The following NAA60 variants were observed in gnomAD, a reference collection of about 807,000 sequenced individuals.
NAA60 encodes N-alpha-acetyltransferase 60.
Under a neutral mutation model 26.1 loss-of-function variants are expected in NAA60, and 8 were observed. The ratio of observed to expected loss-of-function variants is 0.31; its 90% CI spans 0.18 to 0.55. NAA60 has a LOEUF of 0.55. NAA60 is among the 20% of genes least tolerant of loss of function. NAA60 has a pLI of 0.93. For synonymous variants in NAA60, 131 were observed against 122.5 expected (o/e 1.07, Z -0.46); for missense variants, 290 against 311.3 (o/e 0.93, Z 0.51).
chr16:3,481,378 C>T (rs184452338), intron 4 of NAA60, among the ~76,000 whole-genome samples: 15 of 152,314 alleles, frequency 9.8e-5, no homozygotes, highest in Admixed American at 8.5e-4. Flanking sequence ...AGCCACCGTG[C>T]CCAGCCTGAT....
chr16:3,447,216 C>G (rs1460343003), intron 1 of NAA60, among the ~76,000 whole-genome samples: 3 of 152,158 alleles, frequency 2.0e-5, no homozygotes, highest in Non-Finnish European at 4.4e-5. Context: ...GAAAGATACT[C>G]ATTTTTGGGA....
chr16:3,480,722 G>A (rs548883469), intron 4 of NAA60, among the ~76,000 whole-genome samples: 3 of 151,990 alleles, frequency 2.0e-5, no homozygotes, highest in East Asian at 1.9e-4. Context: ...GGCCAACATC[G>A]TGAAACCTTG....
In NAA60 at chr16:3,484,742, C is replaced by T; in HGVS notation, c.616C>T (p.Pro206Ser). 6.3e-7 allele frequency: 1 copy of T among 1,596,014 alleles called. No individual in the cohort carries two copies. Among genetic ancestry groups the T allele is most frequent in the South Asian group, 1.1e-5 (1 of 87,980 alleles). ...GGGCTCTGCACTAGCCAGCCTGAGC[C>T]CCTGCTCCATTCCGCACAGAGTCTA... is the stretch of plus-strand genomic sequence containing the variant. ...HLGSALASLS[P>S]CSIPHRVYRQ... Residue 206 changes from proline (P) to serine (S), a missense_variant, in exon 7 of 8, where the codon CCC becomes TCC. Physicochemically the swap from Pro to Ser is moderately conservative, Grantham distance 74. Transcript: ENST00000407558.
chr16:3,450,072 C>A (rs2034716892), intron 2 of NAA60: 4 of 397,528 alleles, frequency 1.0e-5, no homozygotes, highest in South Asian at 1.3e-4. Context: ...AGAAGAATTT[C>A]TTTGGAAGCA....
Position 3,479,560 on chromosome 16 carries a change from T to C in NAA60, c.200T>C (p.Ile67Thr). The C allele has an allele frequency of 6.2e-7, 1 of 1,614,006 alleles. No homozygotes were observed. The highest frequency in any genetic ancestry group is 1.7e-5 in the Admixed American group (1 of 60,018). Reference protein sequence around the residue: ...ATYRGAIVGMIVAEIKNRTKI... With the variant: ...ATYRGAIVGMTVAEIKNRTKI... ...TACAGAGGTGCCATTGTGGGAATGA[T>C]AGTAGCTGAAATTAAGAACAGGACC... Residue 67 changes from isoleucine (I) to threonine (T), a missense_variant, in exon 4 of 8, where the codon ATA becomes ACA. Transcript: ENST00000407558.
chr16:3,448,463 C>T lies in NAA60; in HGVS notation c.-76-8C>T. 2 of 1,535,190 alleles carry T rather than the reference C, an allele frequency of 1.3e-6. No individual in the cohort carries two copies. Among genetic ancestry groups the T allele is most frequent in the South Asian group, 1.2e-5 (1 of 84,038 alleles). ...GAAGTGATGGCCTTGTGTCTTTCTC[C>T]CCTGCAGCATACAGAAAGGCTGTAC... is the stretch of plus-strand genomic sequence containing the variant. On this transcript the variant is annotated splice_polypyrimidine_tract_variant and splice_region_variant and intron_variant, in intron 1 of 7. Transcript: ENST00000407558.
intron 2 of NAA60, among the ~76,000 whole-genome samples, chr16:3,458,932 C>T (rs1351544812): frequency 1.3e-5 from 2 of 152,154 alleles, no homozygotes; most frequent in East Asian, 3.8e-4. Flanking sequence ...CGACCACCCA[C>T]AAATCTGTGT....
chr16:3,466,842 C>G (rs2035796628), intron 2 of NAA60, among the ~76,000 whole-genome samples: 1 of 152,096 alleles, frequency 6.6e-6, no homozygotes, highest in Admixed American at 6.6e-5. Flanking sequence ...TGCAGAGGGA[C>G]AGCTGTTGGT....
chr16:3,485,382 G>C (rs1243644122), intron 7 of NAA60, 85 bp from the exon 8 acceptor site: 1 of 469,688 alleles, frequency 2.1e-6, no homozygotes, highest in African/African-American at 2.0e-5. Flanking sequence ...CCCAGGCCCA[G>C]CTGTGTGGCC....
At chr16:3,444,337 T>C (rs1447869568) in intron 1 of NAA60, among the ~76,000 whole-genome samples, 1 of 152,140 alleles carries the variant, frequency 6.6e-6, no homozygotes, top group Non-Finnish European at 1.5e-5. Flanking sequence ...CAACTTTGCT[T>C]TCCTCAGCTG....
intron 2 of NAA60, among the ~76,000 whole-genome samples, chr16:3,472,641 G>T (rs755611328): frequency 1.3e-5 from 2 of 152,128 alleles, no homozygotes; most frequent in Non-Finnish European, 2.9e-5. Context: ...CACCATCTTG[G>T]CCAGGCTGGT....
At chr16:3,468,623 A>C (rs1439203380) in intron 2 of NAA60, among the ~76,000 whole-genome samples, 2 of 152,240 alleles carry the variant, frequency 1.3e-5, no homozygotes, top group East Asian at 3.9e-4. Context: ...CCGAGGCGCA[A>C]GCACGGCTTT....
At chr16:3,457,298 C>A (rs903787817) in intron 2 of NAA60, among the ~76,000 whole-genome samples, 6 of 138,996 alleles carry the variant, frequency 4.3e-5, no homozygotes, top group African/African-American at 1.2e-4. Context: ...AAACAAAAAA[C>A]CCAAAAAACC....
chr16:3,447,720 C>A (rs1371955553), intron 1 of NAA60: 1 of 772,746 alleles, frequency 1.3e-6, no homozygotes, highest in Non-Finnish European at 1.6e-6. Flanking sequence ...TACCTAGTCT[C>A]CAGTCTTATA....
intron 2 of NAA60, among the ~76,000 whole-genome samples, chr16:3,464,104 G>A: frequency 6.6e-6 from 1 of 152,116 alleles, no homozygotes; most frequent in Non-Finnish European, 1.5e-5. Flanking sequence ...TGAAGTCTCG[G>A]CTCACTGCAC....
At chr16:3,481,325 A>G (rs1355238240) in intron 4 of NAA60, among the ~76,000 whole-genome samples, 1 of 152,110 alleles carries the variant, frequency 6.6e-6, no homozygotes, top group Non-Finnish European at 1.5e-5. Context: ...CCTGGCCTCA[A>G]GTGATCCGCC....
At chr16:3,476,375 G>A in intron 3 of NAA60, 38 bp downstream of exon 3, 4 of 1,568,002 alleles carry the variant, frequency 2.6e-6, no homozygotes, top group East Asian at 2.3e-5. Context: ...GAGAGCCCGT[G>A]AGCCTCAGGT....
chr16:3,456,455 ACCCCATCT>A (rs1418585159), intron 2 of NAA60, among the ~76,000 whole-genome samples: 1 of 148,228 alleles, frequency 6.7e-6, no homozygotes, highest in Admixed American at 6.8e-5. Flanking sequence ...TTTTTTTTTA[ACCCCATCT>A]TTTATTTTGA....
At chr16:3,474,071 C>T (rs2036320223) in intron 2 of NAA60, among the ~76,000 whole-genome samples, 3 of 149,408 alleles carry the variant, frequency 2.0e-5, no homozygotes, top group Admixed American at 2.0e-4. Context: ...TGCATGGATC[C>T]AGAACCGTGG....
Sources: allele counts gnomAD v4.1 joint callset (sites outside exome capture counted in the v4.1 genomes callset), GRCh38; gene constraint gnomAD v4.1.1; transcripts MANE v1.5; gene names NCBI Gene and HGNC (gene_info 2026-07-23, HGNC 2026-07-21).